TMEM131: variants seen among roughly 807,000 people sequenced by gnomAD.
The protein encoded by TMEM131 is 2610524E03Rik.
In TMEM131, 66 loss-of-function variants were observed where a neutral mutation model predicts 211.6. That is an observed-to-expected ratio of 0.31 (90% CI 0.26 to 0.38). The LOEUF is 0.38. Among genes scored for constraint, TMEM131 ranks in the 10% least tolerant of loss-of-function variants. The probability of loss-of-function intolerance (pLI) is 1.00; values close to 1 mark genes in which losing one functional copy is unlikely to be tolerated. For missense variants in TMEM131, 2,036 were observed against 2,299.3 expected (o/e 0.89, Z 2.34); for synonymous variants, 844 against 841.3 (o/e 1.00, Z -0.06).
chr2:97,971,402 G>GA (rs1050379959), intron 1 of TMEM131, among the ~76,000 whole-genome samples: 1 of 151,850 alleles, frequency 6.6e-6, no homozygotes, highest in Admixed American at 6.6e-5. Context: ...AATTTTAAAA[G>GA]AAAAAAAATA....
At chr2:97,810,482 G>A (rs761659287) in intron 18 of TMEM131, among the ~76,000 whole-genome samples, 6 of 152,004 alleles carry the variant, frequency 3.9e-5, no homozygotes, top group Non-Finnish European at 8.8e-5. Context: ...TGGGAGTTGT[G>A]TCCACTGAAA....
At chr2:97,943,089 G>GAAAGAAAGAAAGAAAGAAAC (rs1559464696) in intron 1 of TMEM131, among the ~76,000 whole-genome samples, 1 of 147,168 alleles carries the variant, frequency 6.8e-6, no homozygotes, top group East Asian at 2.0e-4. Context: ...AAGAAAGAAA[G>GAAAGAAAGAAAGAAAGAAAC]AAAGAAAGAA....
At chr2:97,757,952 G>GA (rs1028223741) in intron 40 of TMEM131, among the ~76,000 whole-genome samples, 1 of 152,166 alleles carries the variant, frequency 6.6e-6, no homozygotes, top group African/African-American at 2.4e-5. Context: ...CTAACATGGT[G>GA]AAACCCCGTC....
chr2:97,936,134 C>G (rs976390730), intron 1 of TMEM131, among the ~76,000 whole-genome samples: 2 of 152,242 alleles, frequency 1.3e-5, no homozygotes, highest in South Asian at 2.1e-4. Context: ...AAGCCTCGAC[C>G]CTGGTAACAG....
Position 97,797,561 on chromosome 2 carries a change from T to C in TMEM131, c.2719-45A>G, listed in dbSNP as rs761162877. On this transcript the variant is annotated intron_variant, in intron 25 of 40. Coordinates refer to ENST00000186436, the MANE Select transcript of TMEM131 (RefSeq NM_015348.2). The stretch of plus-strand genomic sequence containing the variant: ...AGAGAGGAGTCATGAATATATTCTC[T>C]GGAAGAATGTTTCTTCGCTTACACC... The C allele has an allele frequency of 2.6e-6, 4 of 1,531,712 alleles. No homozygotes were observed. The East Asian group carries it at 9.1e-5, about 35-fold the overall frequency. The allele number at this position is 1,531,712 out of a possible 1,614,324, so 94.9% of individuals were successfully genotyped here. A position where few individuals can be genotyped will look rare whatever the true frequency, so the allele number is the denominator to read the frequency against.
In TMEM131 at chr2:97,864,262, T is replaced by C. The variant is rs368173751; in HGVS notation, c.360-4835A>G. Among the ~76,000 whole-genome samples, 5 of 152,160 alleles carry C rather than the reference T, an allele frequency of 3.3e-5. No homozygotes were observed. In the East Asian group the frequency reaches 5.8e-4, roughly 18 times the overall value. On this transcript the variant is annotated intron_variant, in intron 4 of 40. Transcript: ENST00000186436. ...CAGCGGGGATGGGTAGAAATGGGGA[T>C]GATTAATACGTATAAAGAAACTGAA...
chr2:97,810,517 A>C (rs929710413), intron 18 of TMEM131, among the ~76,000 whole-genome samples: 1 of 152,136 alleles, frequency 6.6e-6, no homozygotes, highest in African/African-American at 2.4e-5. Flanking sequence ...AAAGGTGGTA[A>C]GTTGTTGAAT....
chr2:97,859,210 A>G (rs1673967489), intron 5 of TMEM131, 94 bp downstream of exon 5: 1 of 1,323,976 alleles, frequency 7.6e-7, no homozygotes, highest in African/African-American at 1.5e-5. Context: ...AAATATTCAA[A>G]CCCAATTCTA....
intron 2 of TMEM131, among the ~76,000 whole-genome samples, chr2:97,925,639 T>G (rs182774221): frequency 6.6e-6 from 1 of 152,222 alleles, no homozygotes; most frequent in South Asian, 2.1e-4. Flanking sequence ...AGTATGGTAC[T>G]TACTGGACAC....
At chr2:97,796,734 A>C (rs1460863888) in intron 27 of TMEM131, 110 bp downstream of exon 27, 1 of 1,107,026 alleles carries the variant, frequency 9.0e-7, no homozygotes, top group African/African-American at 1.6e-5. Context: ...TTAAGCATTC[A>C]TAACTAATAT....
At chr2:97,935,081 C>CTA (rs1446985107) in intron 1 of TMEM131, among the ~76,000 whole-genome samples, 1 of 151,992 alleles carries the variant, frequency 6.6e-6, no homozygotes, top group Non-Finnish European at 1.5e-5. Flanking sequence ...ACAGGACAAA[C>CTA]TACGAAAAGG....
chr2:97,901,059 G>T (rs1449519584), intron 3 of TMEM131, among the ~76,000 whole-genome samples: 1 of 152,102 alleles, frequency 6.6e-6, no homozygotes, highest in Non-Finnish European at 1.5e-5. Flanking sequence ...TTTTGATTGA[G>T]CAATTCAAGT....
At chr2:97,898,152 TTTAA>T (rs1675694231) in intron 3 of TMEM131, among the ~76,000 whole-genome samples, 2 of 152,232 alleles carry the variant, frequency 1.3e-5, no homozygotes, top group Admixed American at 6.5e-5. Flanking sequence ...TCACTTTCTA[TTTAA>T]TTGATTTCTA....
chr2:97,893,467 ACT>A (rs1373876318), intron 3 of TMEM131, among the ~76,000 whole-genome samples: 1 of 152,190 alleles, frequency 6.6e-6, no homozygotes, highest in Non-Finnish European at 1.5e-5. Flanking sequence ...GAATCACCAC[ACT>A]GTCTTCCACA....
At position 97,882,346 on chromosome 2, in the gene TMEM131, T is replaced by C. The variant is rs552587355; in HGVS notation, c.359+5706A>G. ...AGCATAATATACCTTTTCCCAGTTA[T>C]TCAAACACTAACCTAAGTGCTGCTG... On this transcript the variant is annotated intron_variant, in intron 4 of 40. Transcript: ENST00000186436. Among the ~76,000 whole-genome samples the C allele has an allele frequency of 2.0e-5, 3 of 152,336 alleles. No individual in the cohort carries two copies. In the South Asian group the frequency reaches 6.2e-4, roughly 32 times the overall value.
In TMEM131 at chr2:97,762,052, G is replaced by T. The variant is rs1678878920; in HGVS notation, c.4872C>A (p.Val1624=). The change falls in exon 36 of 41, where the codon GTC becomes GTA. Residue 1624 remains valine (V), a synonymous_variant. Coordinates refer to ENST00000186436, the MANE Select transcript of TMEM131 (RefSeq NM_015348.2). Reference sequence around the variant, plus strand: ...AGGCCTACCTGCTGGAGCTGCTGTTGACGATGCTGCTGTAGCTGCCCCGGG... The same window carrying T: ...AGGCCTACCTGCTGGAGCTGCTGTTTACGATGCTGCTGTAGCTGCCCCGGG... ...FVARGSYSSI[V]NSSSSSDPKI... 2 of 1,576,914 alleles carry T rather than the reference G, an allele frequency of 1.3e-6. No individual in the cohort carries two copies. Among genetic ancestry groups the T allele is most frequent in the African/African-American group, 2.7e-5 (2 of 72,772 alleles).
chr2:97,966,133 A>G (rs1679045573), intron 1 of TMEM131, among the ~76,000 whole-genome samples: 1 of 151,772 alleles, frequency 6.6e-6, no homozygotes, highest in African/African-American at 2.4e-5. Flanking sequence ...TATCATGAAT[A>G]TCTAGTATGT....
At chr2:97,843,867 TAAAC>T (rs1315848776) in intron 6 of TMEM131, among the ~76,000 whole-genome samples, 1 of 152,294 alleles carries the variant, frequency 6.6e-6, no homozygotes, top group Non-Finnish European at 1.5e-5. Context: ...AAGTAAAAAT[TAAAC>T]AAAATTTTAT....
At chr2:97,967,949 A>T (rs1679130192) in intron 1 of TMEM131, among the ~76,000 whole-genome samples, 2 of 151,518 alleles carry the variant, frequency 1.3e-5, no homozygotes, top group East Asian at 3.9e-4. Context: ...AAATCTCAGA[A>T]CTCTGAGACA....
Sources: gnomAD v4.1 joint callset for allele counts (sites outside exome capture counted in the v4.1 genomes callset) on GRCh38, gnomAD v4.1.1 for gene constraint, MANE v1.5 for transcripts, NCBI Gene and HGNC (gene_info 2026-07-23, HGNC 2026-07-21) for gene names.